RBBP4: variants seen among roughly 807,000 people sequenced by gnomAD.
The protein encoded by RBBP4 is RB binding protein 4, chromatin remodeling factor.
RBBP4 carries 3 observed loss-of-function variants against 57.2 expected under a neutral mutation model. The ratio of observed to expected loss-of-function variants is 0.05; its 90% CI spans 0.02 to 0.14. The LOEUF (loss-of-function observed/expected upper bound fraction) is 0.14, where lower values mean the gene tolerates loss of function less well. Ranked by LOEUF, RBBP4 falls within the 10% of genes least tolerant of loss-of-function variation. RBBP4 has a pLI of 1.00. For synonymous variants in RBBP4, 151 were observed against 171.5 expected (o/e 0.88, Z 0.93); for missense variants, 107 against 520.6 (o/e 0.21, Z 7.73).
intron 11 of RBBP4, chr1:32,673,442 C>CTTTT: frequency 8.2e-6 from 3 of 366,632 alleles, no homozygotes; most frequent in East Asian, 1.7e-4. Flanking sequence ...TAAATTTTCT[C>CTTTT]TTTTTTTTTT....
intron 11 of RBBP4, among the ~76,000 whole-genome samples, chr1:32,677,481 A>AAAC (rs201486030): frequency 1.7e-5 from 2 of 118,272 alleles, no homozygotes; most frequent in Admixed American, 1.0e-4. Context: ...AAAAAAAAAA[A>AAAC]CAAAACAAAA....
chr1:32,671,471 T>A (rs1475909733), intron 8 of RBBP4, among the ~76,000 whole-genome samples: 1 of 152,040 alleles, frequency 6.6e-6, no homozygotes, highest in Non-Finnish European at 1.5e-5. Context: ...TAATCCCAGC[T>A]ACTTAAGAGG....
At chr1:32,667,851 C>G (rs567274280) in intron 3 of RBBP4, among the ~76,000 whole-genome samples, 1 of 152,154 alleles carries the variant, frequency 6.6e-6, no homozygotes, top group Admixed American at 6.5e-5. Context: ...CTCTAGATTA[C>G]CTATAATACC....
chr1:32,673,327 A>G (rs1455169860), intron 11 of RBBP4: 1 of 334,558 alleles, frequency 3.0e-6, no homozygotes, highest in African/African-American at 2.2e-5. Flanking sequence ...TACCCAAAGG[A>G]GGTATATCAT....
In RBBP4 at chr1:32,669,418, A is replaced by G; in HGVS notation, c.888+61A>G. 1.9e-6 allele frequency: 3 copies of G among 1,569,982 alleles called. No homozygotes were observed. Among genetic ancestry groups the G allele is most frequent in the South Asian group, 1.2e-5 (1 of 83,468 alleles). ...CTCTAGGTTTTTTTGAATTGCAGAG[A>G]TATTTTACTTACAGTATTTTTTTTT... is the stretch of plus-strand genomic sequence containing the variant. On this transcript the variant is annotated intron_variant, in intron 7 of 11. Coordinates refer to ENST00000373493, the MANE Select transcript of RBBP4 (RefSeq NM_005610.3). The surrounding 1 kb of genome is among the most constrained non-coding windows in gnomAD (Gnocchi z 4.9).
At chr1:32,666,979 C>G (rs142582848) in intron 3 of RBBP4, among the ~76,000 whole-genome samples, 7 of 152,322 alleles carry the variant, frequency 4.6e-5, no homozygotes, top group Admixed American at 3.3e-4. Flanking sequence ...CTGTCACGCC[C>G]GCATAAGGGC....
chr1:32,662,088 G>A (rs902692425), intron 3 of RBBP4, among the ~76,000 whole-genome samples: 2 of 151,260 alleles, frequency 1.3e-5, no homozygotes, highest in Non-Finnish European at 2.9e-5. Flanking sequence ...GTTTTACTAT[G>A]TTGGCCAGGA....
chr1:32,657,704 A>G, intron 3 of RBBP4, 132 bp downstream of exon 3: 1 of 957,612 alleles, frequency 1.0e-6, no homozygotes, highest in Non-Finnish European at 1.5e-6. Flanking sequence ...AATGGTAGGT[A>G]TTTATATTTA....
intron 11 of RBBP4, 140 bp from the exon 12 acceptor site, chr1:32,679,500 T>G: frequency 1.6e-6 from 1 of 619,088 alleles, no homozygotes; most frequent in South Asian, 3.1e-5. Flanking sequence ...CATCCAAGAG[T>G]TGAATAGTTG....
chr1:32,652,750 G>T (rs2148513845), intron 2 of RBBP4, among the ~76,000 whole-genome samples: 1 of 152,116 alleles, frequency 6.6e-6, no homozygotes, highest in East Asian at 1.9e-4. Context: ...TTACCATGTG[G>T]GACAGGCTGG....
Position 32,683,742 on chromosome 1 carries a change from C to T in RBBP4, c.*4037C>T. On this transcript the variant is annotated 3_prime_UTR_variant, in exon 12 of 12. Transcript: ENST00000373493. ...TCTGCCTCCTGGTTCAAGCGATTCT[C>T]CTGCCTTGGCCTCCTGAGTAGCTGG... 2.8e-6 allele frequency: 1 copy of T among 360,246 alleles called. No homozygotes were observed. Among genetic ancestry groups the T allele is most frequent in the Non-Finnish European group, 5.2e-6 (1 of 192,884 alleles). 22.3% of individuals were successfully genotyped at this position (360,246 alleles called of 1,614,324 possible).
chr1:32,665,369 A>T (rs1448686396), intron 3 of RBBP4, among the ~76,000 whole-genome samples: 1 of 152,106 alleles, frequency 6.6e-6, no homozygotes, highest in Non-Finnish European at 1.5e-5. Context: ...TTCTGAAAAG[A>T]TGTTTGTCCT....
In RBBP4 at chr1:32,682,087, T is replaced by A. The variant is rs528461204; in HGVS notation, c.*2382T>A. The stretch of plus-strand genomic sequence containing the variant: ...TAGGTTAACTTCTTACAGGTATAAT[T>A]ACAATGCCTGAAATTCTGTAGTTTC... On this transcript the variant is annotated 3_prime_UTR_variant, in exon 12 of 12. Transcript: ENST00000373493. The A allele has an allele frequency of 1.9e-6, 1 of 520,804 alleles. No individual in the cohort carries two copies. Among genetic ancestry groups the A allele is most frequent in the Admixed American group, 3.5e-5 (1 of 28,704 alleles). 32.3% of individuals were successfully genotyped at this position (520,804 alleles called of 1,614,324 possible).
At chr1:32,677,109 T>C (rs2148532901) in intron 11 of RBBP4, among the ~76,000 whole-genome samples, 1 of 152,230 alleles carries the variant, frequency 6.6e-6, no homozygotes, top group Middle Eastern at 3.4e-3. Context: ...ACACTCGGAG[T>C]TTGCAGAGTG....
At chr1:32,679,242 A>T (rs1460001912) in intron 11 of RBBP4, among the ~76,000 whole-genome samples, 3 of 152,206 alleles carry the variant, frequency 2.0e-5, no homozygotes, top group Non-Finnish European at 4.4e-5. Flanking sequence ...GGTTGCAGTG[A>T]GCCGAGATGG....
chr1:32,666,155 C>T (rs1648637598), intron 3 of RBBP4, among the ~76,000 whole-genome samples: 1 of 152,022 alleles, frequency 6.6e-6, no homozygotes, highest in Non-Finnish European at 1.5e-5. Context: ...TCTGTTTTTC[C>T]TCACTGAAAT....
intron 11 of RBBP4, 28 bp from the exon 12 acceptor site, chr1:32,679,612 T>C (rs771587175): frequency 1.5e-5 from 24 of 1,552,738 alleles, no homozygotes; most frequent in Non-Finnish European, 1.7e-5. Flanking sequence ...GTCTTCATGT[T>C]TAAATTCTTT....
intron 2 of RBBP4, among the ~76,000 whole-genome samples, chr1:32,653,370 C>G (rs1490593553): frequency 6.6e-6 from 1 of 152,076 alleles, no homozygotes; most frequent in Non-Finnish European, 1.5e-5. Context: ...GAATTACATT[C>G]AAAAGCGATT....
intron 3 of RBBP4, among the ~76,000 whole-genome samples, chr1:32,666,823 T>C (rs1253849820): frequency 6.6e-6 from 1 of 152,240 alleles, no homozygotes; most frequent in African/African-American, 2.4e-5. Flanking sequence ...ACATTATCAA[T>C]CATTAGTATA....
Sources: gnomAD v4.1 joint callset for allele counts (sites outside exome capture counted in the v4.1 genomes callset) on GRCh38, gnomAD v4.1.1 for gene constraint, Gnocchi (gnomAD v3.1) non-coding constraint, MANE v1.5 for transcripts, NCBI Gene and HGNC (gene_info 2026-07-23, HGNC 2026-07-21) for gene names.